The following RIN3 variants were observed in gnomAD, a reference collection of about 807,000 sequenced individuals.
The protein encoded by RIN3 is RAB5 interacting protein 3.
Under a neutral mutation model 76.3 loss-of-function variants are expected in RIN3, and 54 were observed. That is an observed-to-expected ratio of 0.71 (90% CI 0.57 to 0.89). The LOEUF (loss-of-function observed/expected upper bound fraction) is 0.89, where lower values mean the gene tolerates loss of function less well. Among genes scored for constraint, RIN3 ranks in the 40% least tolerant of loss-of-function variants. The probability of loss-of-function intolerance (pLI) is 0.00; values close to 1 mark genes in which losing one functional copy is unlikely to be tolerated. For synonymous variants in RIN3, 576 were observed against 564.0 expected (o/e 1.02, Z -0.30); for missense variants, 1,256 against 1,322.1 (o/e 0.95, Z 0.78).
chr14:92,534,682 C>A (rs1438558673), intron 1 of RIN3, among the ~76,000 whole-genome samples: 1 of 151,950 alleles, frequency 6.6e-6, no homozygotes, highest in Non-Finnish European at 1.5e-5. Flanking sequence ...GAGGTCCTTC[C>A]CCTGAGTTTG....
At position 92,648,411 on chromosome 14, in the gene RIN3, C is replaced by G. The variant is rs1447795892; in HGVS notation, c.533-3171C>G. 6.6e-6 allele frequency among the ~76,000 whole-genome samples: 1 copy of G among 152,244 alleles called. No homozygotes were observed. The highest frequency in any genetic ancestry group is 2.1e-4 in the South Asian group (1 of 4,826). On this transcript the variant is annotated intron_variant, in intron 5 of 9. Coordinates refer to ENST00000216487, the MANE Select transcript of RIN3 (RefSeq NM_024832.5). The surrounding 1 kb of genome is among the most constrained non-coding windows in gnomAD (Gnocchi z 4.1). ...TGTGCCTAATGGAGCCATCCTGTCC[C>G]GTGGCAGGCTGCCCGGCTGGTGGCC...
chr14:92,604,135 A>C (rs772336473), intron 3 of RIN3, among the ~76,000 whole-genome samples: 6 of 152,202 alleles, frequency 3.9e-5, no homozygotes, highest in Non-Finnish European at 8.8e-5. Context: ...GATGGCCCAC[A>C]GGCTGGCCAA....
chr14:92,687,977 G>C lies in RIN3; in HGVS notation c.2683G>C (p.Ala895Pro). The C allele has an allele frequency of 6.4e-7, 1 of 1,559,946 alleles. No homozygotes were observed. The part of the protein sequence containing the change: ...LEPEQQARTL[A>P]SRADTQAQAL... ...GCCCGAGCAGCAGGCGCGGACGCTG[G>C]CGTCGCGGGCGGACACCCAGGCCCA... The change falls in exon 10 of 10, where the codon GCG (alanine) becomes CCG (proline). Residue 895 changes from alanine (A) to proline (P), a missense_variant. This residue lies in a region of RIN3 where 218 missense variants were observed against 174.5 expected (regional missense o/e 1.25). Transcript: ENST00000216487.
At chr14:92,572,741 C>G (rs969620236) in intron 2 of RIN3, among the ~76,000 whole-genome samples, 1 of 152,022 alleles carries the variant, frequency 6.6e-6, no homozygotes, top group Non-Finnish European at 1.5e-5. Flanking sequence ...GCTAGCTGTC[C>G]GGGCAGTGTG....
chr14:92,613,875 A>G (rs917268622), intron 3 of RIN3, among the ~76,000 whole-genome samples: 2 of 152,188 alleles, frequency 1.3e-5, no homozygotes, highest in African/African-American at 4.8e-5. Context: ...GGAGCCAGAG[A>G]GCGCTCATGT....
At position 92,643,673 on chromosome 14, in the gene RIN3, A is replaced by G. The variant is rs1374867886; in HGVS notation, c.532+2344A>G. ...CTGGACACAGTGGCTCATGCCTATA[A>G]TCTCAGCACTTTGGGAGGCCGAGGC... On this transcript the variant is annotated intron_variant, in intron 5 of 9. Transcript: ENST00000216487. The surrounding 1 kb of genome is among the most constrained non-coding windows in gnomAD (Gnocchi z 4.8). Among the ~76,000 whole-genome samples the G allele has an allele frequency of 6.6e-6, 1 of 152,160 alleles. No homozygotes were observed. The highest frequency in any genetic ancestry group is 2.4e-5 in the African/African-American group (1 of 41,448).
At chr14:92,574,679 C>T (rs1898166724) in intron 2 of RIN3, among the ~76,000 whole-genome samples, 3 of 152,164 alleles carry the variant, frequency 2.0e-5, no homozygotes. Context: ...CAGGAGTACC[C>T]CTTCCATCGC....
At chr14:92,675,117 A>G (rs1238679182) in intron 7 of RIN3, among the ~76,000 whole-genome samples, 2 of 152,278 alleles carry the variant, frequency 1.3e-5, no homozygotes, top group African/African-American at 4.8e-5. Context: ...AGAAATAGGT[A>G]TATTTTTTCT....
chr14:92,624,105 C>T (rs1464581929), intron 4 of RIN3, among the ~76,000 whole-genome samples: 4 of 152,236 alleles, frequency 2.6e-5, no homozygotes, highest in Non-Finnish European at 4.4e-5. Context: ...AGACTGCGAA[C>T]GGAATATTCA....
intron 3 of RIN3, among the ~76,000 whole-genome samples, chr14:92,584,632 CA>C (rs1280126165): frequency 6.6e-6 from 1 of 152,068 alleles, no homozygotes; most frequent in Non-Finnish European, 1.5e-5. Flanking sequence ...AGGGGACCAG[CA>C]GAAGAGGCAT....
intron 1 of RIN3, among the ~76,000 whole-genome samples, chr14:92,552,674 G>T (rs1197495453): frequency 6.6e-6 from 1 of 152,118 alleles, no homozygotes; most frequent in Non-Finnish European, 1.5e-5. Context: ...GATACCTGCA[G>T]CCAGGCACTT....
intron 3 of RIN3, among the ~76,000 whole-genome samples, chr14:92,596,857 C>A (rs1299322205): frequency 6.6e-6 from 1 of 152,172 alleles, no homozygotes; most frequent in Non-Finnish European, 1.5e-5. Context: ...TGTGCCTGAG[C>A]TGTGTTTTTG....
chr14:92,527,546 AGTCACTCTCT>A (rs1415676100), intron 1 of RIN3, among the ~76,000 whole-genome samples: 1 of 152,162 alleles, frequency 6.6e-6, no homozygotes, highest in East Asian at 1.9e-4. Context: ...ACGGAGTAAA[AGTCACTCTCT>A]TTAGTGTACG....
At chr14:92,540,148 C>A (rs894725085) in intron 1 of RIN3, among the ~76,000 whole-genome samples, 1 of 152,208 alleles carries the variant, frequency 6.6e-6, no homozygotes, top group African/African-American at 2.4e-5. Context: ...CTTTGACCTG[C>A]CAGACCCCTT....
intron 2 of RIN3, among the ~76,000 whole-genome samples, chr14:92,558,271 C>G (rs67856193): frequency 0.28 from 41,915 of 152,044 alleles, 6,188 homozygotes; most frequent in Middle Eastern, 0.37. Flanking sequence ...ATTACTTGAA[C>G]CGGGGAGGTG....
chr14:92,563,362 AAAAC>A (rs199772929), intron 2 of RIN3, among the ~76,000 whole-genome samples: 1,799 of 152,266 alleles, frequency 0.012, 16 homozygotes, highest in East Asian at 0.02. Context: ...ACTCTGTCTC[AAAAC>A]AAACAAACAA....
intron 3 of RIN3, among the ~76,000 whole-genome samples, chr14:92,614,990 C>A (rs920458991): frequency 6.6e-6 from 1 of 151,590 alleles, no homozygotes; most frequent in African/African-American, 2.4e-5. Flanking sequence ...ATTACAGGTG[C>A]CTGCCACCAC....
At chr14:92,551,624 C>A (rs1478706882) in intron 1 of RIN3, among the ~76,000 whole-genome samples, 1 of 152,182 alleles carries the variant, frequency 6.6e-6, no homozygotes, top group Admixed American at 6.5e-5. Flanking sequence ...TGTTGTCAGT[C>A]ATTTTAATTT....
chr14:92,576,958 T>G (rs972533483), intron 2 of RIN3, among the ~76,000 whole-genome samples: 2 of 152,140 alleles, frequency 1.3e-5, no homozygotes, highest in Admixed American at 1.3e-4. Context: ...TCCTGTACAT[T>G]AGAGCTTTTC....
Sources: allele counts gnomAD v4.1 joint callset (sites outside exome capture counted in the v4.1 genomes callset), GRCh38; gene constraint gnomAD v4.1.1; regional missense constraint gnomAD v4.1.1; non-coding constraint Gnocchi (gnomAD v3.1); transcripts MANE v1.5; gene names NCBI Gene and HGNC (gene_info 2026-07-23, HGNC 2026-07-21).